The following PTPRD variants were observed in gnomAD, a reference collection of about 807,000 sequenced individuals.
PTPRD encodes protein tyrosine phosphatase receptor type D.
Under a neutral mutation model 214.5 loss-of-function variants are expected in PTPRD, and 34 were observed. That is an observed-to-expected ratio of 0.16 (90% CI 0.12 to 0.21). PTPRD has a LOEUF of 0.21. Among genes scored for constraint, PTPRD ranks in the 10% least tolerant of loss-of-function variants. The pLI is 1.00. For missense variants in PTPRD, 2,545 were observed against 2,398.7 expected, an observed-to-expected ratio of 1.06 and a Z score of -1.27; for synonymous variants, 1,128 against 845.7, an observed-to-expected ratio of 1.33 and a Z score of -5.79.
At chr9:8,450,725 A>G (rs1277233254) in intron 33 of PTPRD, among the ~76,000 whole-genome samples, 1 of 152,204 alleles carries the variant, frequency 6.6e-6, no homozygotes, top group African/African-American at 2.4e-5. Context: ...GAAATGTCAG[A>G]TCTGTATATA....
At chr9:10,182,258 T>G (rs1259615396) in intron 3 of PTPRD, among the ~76,000 whole-genome samples, 1 of 37,822 alleles carries the variant, frequency 2.6e-5, no homozygotes, top group Non-Finnish European at 4.0e-5. Context: ...AGACTCTGCC[T>G]CAAAAAAAAA....
At chr9:8,730,659 A>G (rs1363815408) in intron 12 of PTPRD, among the ~76,000 whole-genome samples, 3 of 152,242 alleles carry the variant, frequency 2.0e-5, no homozygotes, top group African/African-American at 7.2e-5. Context: ...TTATGTATGA[A>G]ATACAACTAA....
intron 10 of PTPRD, among the ~76,000 whole-genome samples, chr9:9,085,165 C>T: frequency 6.6e-6 from 1 of 151,942 alleles, no homozygotes; most frequent in South Asian, 2.1e-4. Flanking sequence ...CTTAAAGTGA[C>T]TTTCTCTTTC....
chr9:10,149,044 A>C (rs1487816324), intron 3 of PTPRD, among the ~76,000 whole-genome samples: 2 of 152,206 alleles, frequency 1.3e-5, no homozygotes, highest in African/African-American at 2.4e-5. Context: ...CAGTTCATTC[A>C]TAATAGAAGG....
rs189202988 is a variant in PTPRD at position 9,807,823 on chromosome 9, T to G, written c.-367-40972A>C. Among the ~76,000 whole-genome samples, 4 of 152,310 alleles carry G rather than the reference T, an allele frequency of 2.6e-5. No homozygotes were observed. In the East Asian group the frequency reaches 7.7e-4, roughly 29 times the overall value. On this transcript the variant is annotated intron_variant, in intron 5 of 45. Transcript: ENST00000381196. ...TAGGGAACTGCTATTGGCTGAAGAT[T>G]CATTGGAAGAATCCGATTTTTCCAA...
At chr9:9,802,562 T>C (rs965962188) in intron 5 of PTPRD, among the ~76,000 whole-genome samples, 3 of 151,926 alleles carry the variant, frequency 2.0e-5, no homozygotes, top group Admixed American at 2.0e-4. Flanking sequence ...GGAACTCTTA[T>C]AAATGTATGT....
Position 9,019,313 on chromosome 9 carries a change from A to AAAGAAAGAAAGAAAGAAAGAAAGAAAGG in PTPRD, c.-142-579_-142-578insCCTTTCTTTCTTTCTTTCTTTCTTTCTT, listed in dbSNP as rs2099551954. On this transcript the variant is annotated intron_variant, in intron 10 of 45. Coordinates refer to ENST00000381196, the MANE Select transcript of PTPRD (RefSeq NM_002839.4). The stretch of plus-strand genomic sequence containing the variant: ...GAAAGAAAGAAAGAAAGAAAGAAAG[A>AAAGAAAGAAAGAAAGAAAGAAAGAAAGG]AAGAAAGAAAGAAAGAAAGAAAGAA... Among the ~76,000 whole-genome samples, 38 of 106,442 alleles carry AAAGAAAGAAAGAAAGAAAGAAAGAAAGG rather than the reference A, an allele frequency of 3.6e-4. 1 individual carries two copies. Among genetic ancestry groups the AAAGAAAGAAAGAAAGAAAGAAAGAAAGG allele is most frequent in the South Asian group, 1.3e-3 (3 of 2,254 alleles). The allele number at this position is 106,442 out of a possible 152,430, so 69.8% of individuals were successfully genotyped here.
intron 7 of PTPRD, among the ~76,000 whole-genome samples, chr9:9,670,284 T>C (rs1168118622): frequency 1.3e-5 from 2 of 152,136 alleles, no homozygotes; most frequent in Admixed American, 1.3e-4. Context: ...TGATTTATGG[T>C]ATCTGGCAGA....
chr9:10,298,034 C>A (rs964834685), intron 3 of PTPRD, among the ~76,000 whole-genome samples: 3 of 151,982 alleles, frequency 2.0e-5, no homozygotes, highest in African/African-American at 4.8e-5. Context: ...CCAAGAGTAA[C>A]AAAATATATG....
At chr9:10,270,185 A>T (rs918931199) in intron 3 of PTPRD, among the ~76,000 whole-genome samples, 2 of 152,170 alleles carry the variant, frequency 1.3e-5, no homozygotes, top group African/African-American at 4.8e-5. Flanking sequence ...ATATATTTTT[A>T]AAATCTTTAA....
chr9:9,630,848 C>G (rs149046271), intron 7 of PTPRD, among the ~76,000 whole-genome samples: 1 of 151,826 alleles, frequency 6.6e-6, no homozygotes, highest in African/African-American at 2.4e-5. Context: ...TTTCCCAGGA[C>G]GTAGAATGTA....
At chr9:8,648,750 T>C (rs149556250) in intron 12 of PTPRD, among the ~76,000 whole-genome samples, 5 of 152,344 alleles carry the variant, frequency 3.3e-5, no homozygotes, top group African/African-American at 1.2e-4. Flanking sequence ...ATCAGCTTTT[T>C]TCATATTTCC....
chr9:9,365,742 G>A (rs184321491), intron 9 of PTPRD, among the ~76,000 whole-genome samples: 4 of 151,304 alleles, frequency 2.6e-5, no homozygotes, highest in Non-Finnish European at 4.4e-5. Flanking sequence ...GTGTGCTGTC[G>A]ACCTACAGCA....
rs1208682537 is a variant in PTPRD, at chr9:9,923,652, CT to C, written c.-368+14854del. Among the ~76,000 whole-genome samples the C allele has an allele frequency of 5.3e-5, 8 of 152,062 alleles. No homozygotes were observed. In the South Asian group the frequency reaches 1.7e-3, roughly 32 times the overall value. ...GGAATCAGGCTGGCATCAAAGTGATCTTTTCATAATTGTGAGCAAGAATAAT... is the reference window on the plus strand; with the variant it reads ...GGAATCAGGCTGGCATCAAAGTGATCTTTCATAATTGTGAGCAAGAATAAT... On this transcript the variant is annotated intron_variant, in intron 5 of 45. Transcript: ENST00000381196.
intron 11 of PTPRD, among the ~76,000 whole-genome samples, chr9:8,923,394 T>G (rs539765390): frequency 1.1e-4 from 16 of 151,838 alleles, no homozygotes; most frequent in African/African-American, 3.9e-4. Flanking sequence ...GAGCAAGCAA[T>G]AAAACGAGTC....
At chr9:9,850,580 T>C (rs189691835) in intron 5 of PTPRD, among the ~76,000 whole-genome samples, 2 of 149,638 alleles carry the variant, frequency 1.3e-5, no homozygotes, top group Admixed American at 1.3e-4. Context: ...TAAAATTGTA[T>C]ATATAGTGTA....
At chr9:8,496,313 C>T (rs1260980420) in intron 26 of PTPRD, among the ~76,000 whole-genome samples, 2 of 152,096 alleles carry the variant, frequency 1.3e-5, no homozygotes, top group Admixed American at 6.6e-5. Context: ...GGACCACTGT[C>T]TCTGAATTCA....
At chr9:9,292,889 T>C (rs1208828712) in intron 9 of PTPRD, among the ~76,000 whole-genome samples, 1 of 151,448 alleles carries the variant, frequency 6.6e-6, no homozygotes, top group Non-Finnish European at 1.5e-5. Context: ...GGGTTATAGA[T>C]TTTGGGAAAC....
intron 12 of PTPRD, among the ~76,000 whole-genome samples, chr9:8,688,332 C>T (rs1448505211): frequency 2.6e-5 from 4 of 151,960 alleles, no homozygotes; most frequent in Non-Finnish European, 4.4e-5. Flanking sequence ...TTTGGGAGGC[C>T]AAGGCGGGCG....
Sources: allele counts gnomAD v4.1 joint callset (sites outside exome capture counted in the v4.1 genomes callset), GRCh38; gene constraint gnomAD v4.1.1; transcripts MANE v1.5; gene names NCBI Gene and HGNC (gene_info 2026-07-23, HGNC 2026-07-21).